TMEM236: variants seen among roughly 807,000 people sequenced by gnomAD.
TMEM236 encodes transmembrane protein 236, also known as family with sequence similarity 23, member A.
Under a neutral mutation model 14.7 loss-of-function variants are expected in TMEM236, and 11 were observed. The observed-to-expected ratio is 0.75, with a 90% CI of 0.47 to 1.24. The LOEUF is 1.24. TMEM236 is among the 50% of genes most tolerant of loss of function. The probability of loss-of-function intolerance (pLI) is 0.00; values close to 1 mark genes in which losing one functional copy is unlikely to be tolerated. For missense variants in TMEM236, 464 were observed against 427.3 expected (o/e 1.09, Z -0.76); for synonymous variants, 182 against 168.6 (o/e 1.08, Z -0.62).
chr10:17,782,290 A>T (rs902080826), intron 3 of TMEM236, among the ~76,000 whole-genome samples: 3 of 152,230 alleles, frequency 2.0e-5, no homozygotes, highest in Admixed American at 2.0e-4. Context: ...AAATAGAGAT[A>T]AACAAAAAAG....
chr10:17,754,084 A>G (rs1837248443), intron 1 of TMEM236, among the ~76,000 whole-genome samples: 1 of 152,228 alleles, frequency 6.6e-6, no homozygotes, highest in Non-Finnish European at 1.5e-5. Context: ...GTGCCAGTTC[A>G]TGCTATTCTA....
At chr10:17,763,719 T>C (rs1305151338) in intron 1 of TMEM236, among the ~76,000 whole-genome samples, 5 of 152,120 alleles carry the variant, frequency 3.3e-5, no homozygotes, top group Non-Finnish European at 5.9e-5. Flanking sequence ...TGAGTTGATA[T>C]AGTGAATTAT....
chr10:17,796,499 T>C lies in TMEM236; in HGVS notation c.1051T>C (p.Phe351Leu), dbSNP rs1045630834. The change falls in exon 4 of 4, where the codon TTT becomes CTT. Residue 351 changes from phenylalanine to leucine, a missense_variant. Coordinates refer to ENST00000377495, the MANE Select transcript of TMEM236 (RefSeq NM_001098844.3). ...RIFSAFEMSPF is the reference protein window; with the variant it reads ...RIFSAFEMSPL ...TTTTTCTGCCTTTGAAATGTCTCCA[T>C]TTTAAAAAGGAAATGGGATCTAGTA... is the stretch of plus-strand genomic sequence containing the variant. 5.0e-6 allele frequency: 8 copies of C among 1,609,310 alleles called. No individual in the cohort carries two copies. Among genetic ancestry groups the C allele is most frequent in the South Asian group, 4.4e-5 (4 of 90,988 alleles).
chr10:17,777,340 C>T (rs1455885487), intron 3 of TMEM236, among the ~76,000 whole-genome samples: 1 of 152,132 alleles, frequency 6.6e-6, no homozygotes, highest in Non-Finnish European at 1.5e-5. Context: ...GAAAGCACAC[C>T]CAAGTCACAT....
At chr10:17,788,966 T>C (rs1837879444) in intron 3 of TMEM236, among the ~76,000 whole-genome samples, 1 of 152,224 alleles carries the variant, frequency 6.6e-6, no homozygotes, top group Non-Finnish European at 1.5e-5. Flanking sequence ...CAGTGTTTAA[T>C]CAGTTGCCTT....
At chr10:17,764,849 T>TTTTTTTTG in intron 1 of TMEM236, among the ~76,000 whole-genome samples, 1 of 150,830 alleles carries the variant, frequency 6.6e-6, no homozygotes, top group Non-Finnish European at 1.5e-5. Flanking sequence ...TTTTTTTTTT[T>TTTTTTTTG]TGAGACGGGG....
intron 3 of TMEM236, among the ~76,000 whole-genome samples, chr10:17,782,973 A>T (rs2131759124): frequency 6.6e-6 from 1 of 152,288 alleles, no homozygotes; most frequent in South Asian, 2.1e-4. Flanking sequence ...GATGTGCTTG[A>T]GTTGGACAGG....
At position 17,795,995 on chromosome 10, in the gene TMEM236, C is replaced by T; in HGVS notation, c.547C>T (p.Pro183Ser). The T allele has an allele frequency of 6.2e-7, 1 of 1,613,908 alleles. No individual in the cohort carries two copies. The highest frequency in any genetic ancestry group is 8.5e-7 in the Non-Finnish European group (1 of 1,179,860). Residue 183 changes from proline to serine, a missense_variant, in exon 4 of 4, where the codon CCA becomes TCA. Transcript: ENST00000377495. ...TGTGACGGAGCAAGTGAGGCAAAGTCCAGAAAACGCTGCATCTCCCCAGGC... is the reference window on the plus strand; with the variant it reads ...TGTGACGGAGCAAGTGAGGCAAAGTTCAGAAAACGCTGCATCTCCCCAGGC... Reference protein sequence around the residue: ...KTVTEQVRQSPENAASPQATN... With the variant: ...KTVTEQVRQSSENAASPQATN...
intron 1 of TMEM236, among the ~76,000 whole-genome samples, chr10:17,770,035 G>T (rs1294811810): frequency 6.6e-6 from 1 of 151,958 alleles, no homozygotes; most frequent in African/African-American, 2.4e-5. Flanking sequence ...CCACCTTTAT[G>T]TCCATGAGTA....
chr10:17,770,531 T>C (rs1477709437), intron 1 of TMEM236, among the ~76,000 whole-genome samples: 1 of 152,046 alleles, frequency 6.6e-6, no homozygotes, highest in Admixed American at 6.6e-5. Flanking sequence ...CTACAGGTGC[T>C]CGCCACCACG....
intron 3 of TMEM236, among the ~76,000 whole-genome samples, chr10:17,794,990 T>A (rs1277458852): frequency 6.6e-6 from 1 of 152,110 alleles, no homozygotes; most frequent in Admixed American, 6.5e-5. Context: ...ATCATGCTGC[T>A]ACACTCCAGC....
intron 1 of TMEM236, among the ~76,000 whole-genome samples, chr10:17,755,024 C>T (rs979791038): frequency 3.3e-5 from 5 of 151,928 alleles, no homozygotes; most frequent in Admixed American, 2.0e-4. Context: ...CTGCAACTTC[C>T]GCCTCCTGGG....
chr10:17,783,538 AAT>A (rs2131759643), intron 3 of TMEM236, among the ~76,000 whole-genome samples: 1 of 152,266 alleles, frequency 6.6e-6, no homozygotes, highest in Non-Finnish European at 1.5e-5. Context: ...GTGGTCTTTT[AAT>A]ATCAGAAACT....
intron 2 of TMEM236, among the ~76,000 whole-genome samples, chr10:17,774,259 G>C (rs1837622966): frequency 6.6e-6 from 1 of 152,084 alleles, no homozygotes. Flanking sequence ...TGGCCAGGCT[G>C]GTCTTGAACT....
chr10:17,775,249 A>G (rs1322303379), intron 2 of TMEM236, among the ~76,000 whole-genome samples: 1 of 152,040 alleles, frequency 6.6e-6, no homozygotes, highest in African/African-American at 2.4e-5. Context: ...AATGCTTTCC[A>G]TAGTTTTTTG....
At chr10:17,770,063 A>T (rs1000486890) in intron 1 of TMEM236, among the ~76,000 whole-genome samples, 1 of 152,022 alleles carries the variant, frequency 6.6e-6, no homozygotes, top group East Asian at 1.9e-4. Flanking sequence ...TTTAGCTCCC[A>T]CTTATAAGTG....
intron 1 of TMEM236, among the ~76,000 whole-genome samples, chr10:17,767,412 G>A (rs1837485616): frequency 1.3e-5 from 2 of 152,154 alleles, no homozygotes; most frequent in African/African-American, 4.8e-5. Flanking sequence ...AGTGAGCTGA[G>A]ATCAGCCATT....
chr10:17,777,249 G>C (rs1273845279), intron 3 of TMEM236, among the ~76,000 whole-genome samples: 2 of 152,144 alleles, frequency 1.3e-5, no homozygotes, highest in African/African-American at 4.8e-5. Flanking sequence ...CCTCGGGTGG[G>C]AGATGACGGT....
Position 17,776,055 on chromosome 10 carries a change from T to C in TMEM236, c.357T>C (p.Ala119=). 1 of 1,613,914 alleles carries C rather than the reference T, an allele frequency of 6.2e-7. No homozygotes were observed. Among genetic ancestry groups the C allele is most frequent in the Non-Finnish European group, 8.5e-7 (1 of 1,179,838 alleles). Residue 119 remains alanine (A), a synonymous_variant, in exon 3 of 4, where the codon GCT becomes GCC. Transcript: ENST00000377495. ...TEVQKSINGS[A]DVLPDMLPDL... ...TTCAAAAGAGCATTAATGGGTCCGC[T>C]GATGTCTTACCTGATATGTTACCTG...
Sources: gnomAD v4.1 joint callset for allele counts (sites outside exome capture counted in the v4.1 genomes callset) on GRCh38, gnomAD v4.1.1 for gene constraint, MANE v1.5 for transcripts, NCBI Gene and HGNC (gene_info 2026-07-23, HGNC 2026-07-21) for gene names.